The following KCTD16 variants were observed in gnomAD, a reference collection of about 807,000 sequenced individuals.
KCTD16 encodes BTB/POZ domain-containing protein KCTD16.
A neutral mutation model predicts 33.2 loss-of-function variants in KCTD16; 13 were observed. The observed-to-expected ratio is 0.39, with a 90% CI of 0.25 to 0.62. KCTD16 has a LOEUF of 0.62. Among genes scored for constraint, KCTD16 ranks in the 20% least tolerant of loss-of-function variants. The pLI, the probability that KCTD16 is intolerant of heterozygous loss-of-function variation, is 0.50. For synonymous variants in KCTD16, 197 were observed against 195.3 expected, an observed-to-expected ratio of 1.01 and a Z score of -0.07; for missense variants, 441 against 525.1, an observed-to-expected ratio of 0.84 and a Z score of 1.57.
chr5:144,478,749 A>T lies in KCTD16; in HGVS notation c.*4635A>T, dbSNP rs978408368. ...TAGAAGCACTTCCTCATTTTCTCTT[A>T]CTTTCTTCCCACTACAAATAAGTCA... On this transcript the variant is annotated 3_prime_UTR_variant, in exon 4 of 4. Coordinates refer to ENST00000512467, the MANE Select transcript of KCTD16 (RefSeq NM_020768.4). 1 of 152,048 alleles carries T rather than the reference A, an allele frequency of 6.6e-6. No individual in the cohort carries two copies. Among genetic ancestry groups the T allele is most frequent in the Non-Finnish European group, 1.5e-5 (1 of 67,948 alleles). 9.4% of individuals were successfully genotyped at this position (152,048 alleles called of 1,614,324 possible).
intron 2 of KCTD16, among the ~76,000 whole-genome samples, chr5:144,191,689 G>C (rs1752844953): frequency 6.6e-6 from 1 of 152,024 alleles, no homozygotes; most frequent in South Asian, 2.1e-4. Flanking sequence ...ACCAGCTTTT[G>C]CCTCCACTTA....
chr5:144,246,097 G>T (rs779431704), intron 3 of KCTD16, among the ~76,000 whole-genome samples: 46 of 152,272 alleles, frequency 3.0e-4, no homozygotes, highest in Middle Eastern at 3.4e-3. Context: ...TATGAGTAAG[G>T]ATGCTGCATC....
intron 2 of KCTD16, among the ~76,000 whole-genome samples, chr5:144,186,371 A>AAAAC (rs1752726756): frequency 6.6e-6 from 1 of 151,584 alleles, no homozygotes; most frequent in Non-Finnish European, 1.5e-5. Context: ...AAAGAAAAAA[A>AAAAC]AAAAAACTAA....
At position 144,482,509 on chromosome 5, in the gene KCTD16, C is replaced by G. The variant is rs1363278811; in HGVS notation, c.*8395C>G. ...TATATGTGTTTATGCATGAGTGTATCTAGGTATCTGCTATTTTCATCTTTT... is the reference window on the plus strand; with the variant it reads ...TATATGTGTTTATGCATGAGTGTATGTAGGTATCTGCTATTTTCATCTTTT... On this transcript the variant is annotated 3_prime_UTR_variant, in exon 4 of 4. Coordinates refer to ENST00000512467, the MANE Select transcript of KCTD16 (RefSeq NM_020768.4). 1 of 151,818 alleles carries G rather than the reference C, an allele frequency of 6.6e-6. No homozygotes were observed. The highest frequency in any genetic ancestry group is 1.5e-5 in the Non-Finnish European group (1 of 67,902). The allele number at this position is 151,818 out of a possible 1,614,324, so 9.4% of individuals were successfully genotyped here.
chr5:144,438,818 G>A lies in KCTD16; in HGVS notation c.833-34842G>A, dbSNP rs78119303. On this transcript the variant is annotated intron_variant, in intron 3 of 3. Transcript: ENST00000512467. ...CAGGGAAAATCAATAGTCAAAGCTT[G>A]TCAGGGGTGAGAGAAAGGATGTACT... 3.5e-3 allele frequency among the ~76,000 whole-genome samples: 533 copies of A among 152,292 alleles called. 2 individuals carry two copies. The highest frequency in any genetic ancestry group is 0.012 in the African/African-American group (514 of 41,572).
chr5:144,265,347 CTT>C (rs1755114328), intron 3 of KCTD16, among the ~76,000 whole-genome samples: 1 of 152,298 alleles, frequency 6.6e-6, no homozygotes, highest in Middle Eastern at 3.4e-3. Flanking sequence ...TCCACTGACA[CTT>C]TTATTTTCAT....
intron 3 of KCTD16, among the ~76,000 whole-genome samples, chr5:144,417,394 G>C (rs1753083758): frequency 6.6e-6 from 1 of 151,980 alleles, no homozygotes; most frequent in Admixed American, 6.6e-5. Flanking sequence ...CTTTTTATGT[G>C]TTTGTTGCCC....
At chr5:144,424,651 C>A (rs189271803) in intron 3 of KCTD16, among the ~76,000 whole-genome samples, 1 of 152,052 alleles carries the variant, frequency 6.6e-6, no homozygotes, top group Non-Finnish European at 1.5e-5. Flanking sequence ...AATTCAAGAG[C>A]GTGGCTTTGG....
chr5:144,210,523 T>C (rs1024873297), intron 3 of KCTD16, among the ~76,000 whole-genome samples: 3 of 152,158 alleles, frequency 2.0e-5, no homozygotes, highest in African/African-American at 7.2e-5. Context: ...TTTACTACTT[T>C]CCCAACCAAC....
intron 3 of KCTD16, among the ~76,000 whole-genome samples, chr5:144,417,714 A>C (rs184950860): frequency 2.6e-5 from 4 of 152,150 alleles, no homozygotes; most frequent in Admixed American, 2.0e-4. Flanking sequence ...CTTTTTTGCA[A>C]GTGTTTTATG....
intron 3 of KCTD16, among the ~76,000 whole-genome samples, chr5:144,433,070 G>C (rs1190647285): frequency 2.0e-5 from 3 of 152,062 alleles, no homozygotes; most frequent in African/African-American, 7.2e-5. Context: ...AAGTCTGTGG[G>C]ACTTTGAAAA....
chr5:144,291,712 G>T (rs1362576998), intron 3 of KCTD16, among the ~76,000 whole-genome samples: 1 of 152,152 alleles, frequency 6.6e-6, no homozygotes, highest in African/African-American at 2.4e-5. Context: ...CTAGTAACAT[G>T]AGATAAAATT....
intron 3 of KCTD16, among the ~76,000 whole-genome samples, chr5:144,229,905 G>T (rs1754046834): frequency 6.6e-6 from 1 of 152,182 alleles, no homozygotes; most frequent in African/African-American, 2.4e-5. Flanking sequence ...ACTTTGGGAG[G>T]CCGAGGCGGG....
At chr5:144,275,175 A>T (rs1461321398) in intron 3 of KCTD16, among the ~76,000 whole-genome samples, 1 of 152,202 alleles carries the variant, frequency 6.6e-6, no homozygotes, top group Non-Finnish European at 1.5e-5. Context: ...TGAAGATTTT[A>T]TAGGCAGAGA....
At chr5:144,428,436 G>A (rs1316254864) in intron 3 of KCTD16, among the ~76,000 whole-genome samples, 1 of 152,156 alleles carries the variant, frequency 6.6e-6, no homozygotes, top group East Asian at 1.9e-4. Context: ...AGATTACCAA[G>A]TCAGAATACA....
intron 3 of KCTD16, among the ~76,000 whole-genome samples, chr5:144,253,972 A>G (rs951124252): frequency 6.6e-6 from 1 of 152,170 alleles, no homozygotes; most frequent in African/African-American, 2.4e-5. Flanking sequence ...TTACTAAATC[A>G]CTATCATGTT....
chr5:144,305,680 G>T (rs1452470572), intron 3 of KCTD16, among the ~76,000 whole-genome samples: 2 of 152,108 alleles, frequency 1.3e-5, no homozygotes, highest in Non-Finnish European at 2.9e-5. Flanking sequence ...TGGGCATGGT[G>T]GTGCGCACCT....
chr5:144,315,264 T>C (rs1344528500), intron 3 of KCTD16, among the ~76,000 whole-genome samples: 1 of 152,214 alleles, frequency 6.6e-6, no homozygotes, highest in Non-Finnish European at 1.5e-5. Flanking sequence ...CCCACTGTGA[T>C]CGATTATCCC....
chr5:144,200,442 CT>C (rs1176014166), intron 2 of KCTD16, among the ~76,000 whole-genome samples: 1 of 152,192 alleles, frequency 6.6e-6, no homozygotes, highest in Non-Finnish European at 1.5e-5. Context: ...CAAATTCTTT[CT>C]TGCCAGGCTT....
Sources: gnomAD v4.1 joint callset for allele counts (sites outside exome capture counted in the v4.1 genomes callset) on GRCh38, gnomAD v4.1.1 for gene constraint, MANE v1.5 for transcripts, NCBI Gene and HGNC (gene_info 2026-07-23, HGNC 2026-07-21) for gene names.